The following ODF2 variants were observed in gnomAD, a reference collection of about 807,000 sequenced individuals.
ODF2 encodes the protein outer dense fiber protein 2.
In ODF2, 47 loss-of-function variants were observed where a neutral mutation model predicts 110.2. The observed-to-expected ratio is 0.43, with a 90% confidence interval of 0.34 to 0.54. The LOEUF is 0.54. ODF2 is among the 20% of genes least tolerant of loss of function. ODF2 has a pLI of 0.03. For missense variants in ODF2, 812 were observed against 1,054.5 expected, an observed-to-expected ratio of 0.77 and a Z score of 3.19; for synonymous variants, 352 against 397.7, an observed-to-expected ratio of 0.89 and a Z score of 1.37.
At chr9:128,475,444 CCTCACATACTAA>C (rs1211913748) in intron 8 of ODF2, among the ~76,000 whole-genome samples, 1 of 152,158 alleles carries the variant, frequency 6.6e-6, no homozygotes, top group Admixed American at 6.5e-5. Context: ...ATATGCATTG[CCTCACATACTAA>C]GATATTTGTG....
At chr9:128,478,721 C>T (rs1306168898) in intron 8 of ODF2, among the ~76,000 whole-genome samples, 2 of 152,118 alleles carry the variant, frequency 1.3e-5, no homozygotes, top group Non-Finnish European at 2.9e-5. Flanking sequence ...TTTGAATTCC[C>T]ACCCAAAAGT....
intron 10 of ODF2, among the ~76,000 whole-genome samples, chr9:128,483,361 C>T (rs893995703): frequency 6.6e-6 from 1 of 151,652 alleles, no homozygotes; most frequent in Admixed American, 6.6e-5. Context: ...CTCATTGAGG[C>T]CAGGAGTTTG....
intron 8 of ODF2, among the ~76,000 whole-genome samples, chr9:128,475,147 T>G (rs1238104587): frequency 6.6e-6 from 1 of 152,138 alleles, no homozygotes; most frequent in Admixed American, 6.6e-5. Flanking sequence ...ATAACAACTA[T>G]TTACATAGCA....
chr9:128,499,205 T>C, intron 20 of ODF2, 79 bp downstream of exon 20: 3 of 1,550,494 alleles, frequency 1.9e-6, no homozygotes, highest in Non-Finnish European at 1.8e-6. Context: ...CAAGGTGTTT[T>C]GTTGTTACTG....
chr9:128,498,578 C>G lies in ODF2; in HGVS notation c.2175+3C>G, dbSNP rs1213966895. On this transcript the variant is annotated splice_donor_region_variant and intron_variant, in intron 19 of 20. Transcript: ENST00000604420. Reference sequence around the variant, plus strand: ...CCATTGAAGATGCGAGGAGGCAGGTCAGTCCCGATTTCATGAATGACTAGC... The same window carrying G: ...CCATTGAAGATGCGAGGAGGCAGGTGAGTCCCGATTTCATGAATGACTAGC... The G allele has an allele frequency of 6.6e-7, 1 of 1,508,216 alleles. No individual in the cohort carries two copies. The highest frequency in any genetic ancestry group is 9.1e-7 in the Non-Finnish European group (1 of 1,098,280). The allele number at this position is 1,508,216 out of a possible 1,614,324, so 93.4% of individuals were successfully genotyped here. A position where few individuals can be genotyped will look rare whatever the true frequency, so the allele number is the denominator to read the frequency against.
rs933420114 is a variant in ODF2, at chr9:128,456,703, G to C, written c.-209+448G>C. On this transcript the variant is annotated intron_variant, in intron 1 of 20. Transcript: ENST00000604420. ...CATGGCAGTCACTTGTACGCCCTCC[G>C]TAGGCAGCGCTGTCCCCCGGGCACC... is the stretch of plus-strand genomic sequence containing the variant. 5 of 1,378,192 alleles carry C rather than the reference G, an allele frequency of 3.6e-6. No homozygotes were observed. In the South Asian group the frequency reaches 4.9e-5, roughly 13 times the overall value. 85.4% of individuals were successfully genotyped at this position (1,378,192 alleles called of 1,614,324 possible).
intron 8 of ODF2, among the ~76,000 whole-genome samples, chr9:128,474,737 G>A (rs182269995): frequency 2.0e-5 from 3 of 151,882 alleles, no homozygotes; most frequent in Non-Finnish European, 4.4e-5. Context: ...CGAGGCGGGC[G>A]GATCACCTGA....
chr9:128,499,754 C>G (rs1232983780), intron 20 of ODF2, among the ~76,000 whole-genome samples: 1 of 152,072 alleles, frequency 6.6e-6, no homozygotes, highest in Non-Finnish European at 1.5e-5. Flanking sequence ...GGACTACAGG[C>G]GCACACCATC....
At chr9:128,495,781 C>G (rs548137622) in intron 17 of ODF2, among the ~76,000 whole-genome samples, 14 of 152,276 alleles carry the variant, frequency 9.2e-5, no homozygotes, top group African/African-American at 3.4e-4. Context: ...CTCTGAGTGG[C>G]CTCCCCTGAT....
chr9:128,456,128 C>A (rs1834703396), upstream of ODF2: 3 of 1,547,440 alleles, frequency 1.9e-6, no homozygotes, highest in Non-Finnish European at 2.6e-6. Context: ...GAAAAGGAGG[C>A]GGAAGCGGGG....
intron 17 of ODF2, among the ~76,000 whole-genome samples, chr9:128,495,682 G>A (rs1280507774): frequency 6.6e-6 from 1 of 152,212 alleles, no homozygotes; most frequent in Non-Finnish European, 1.5e-5. Context: ...AACATAACAG[G>A]TAAAGCTCTG....
rs1369286409 is a variant in ODF2, at chr9:128,485,246, T to C, written c.1291-119T>C. ...TTCCAGCGCCCTCTAGAAAGGTGAA[T>C]TCCAGAATGAGGTTTAGGTTACCAG... On this transcript the variant is annotated intron_variant, in intron 12 of 20. Coordinates refer to ENST00000604420, the Ensembl canonical transcript of ODF2. This position sits in a 1 kb window ranked among gnomAD's most constrained non-coding sequence, Gnocchi z 5.0. 3.1e-6 allele frequency: 2 copies of C among 635,504 alleles called. No individual in the cohort carries two copies. Among genetic ancestry groups the C allele is most frequent in the Non-Finnish European group, 5.6e-6 (2 of 354,880 alleles). The allele number at this position is 635,504 out of a possible 1,614,324, so 39.4% of individuals were successfully genotyped here. A position where few individuals can be genotyped will look rare whatever the true frequency, so the allele number is the denominator to read the frequency against.
chr9:128,464,187 G>A (rs1369283648), intron 4 of ODF2, among the ~76,000 whole-genome samples: 3 of 133,054 alleles, frequency 2.3e-5, no homozygotes, highest in African/African-American at 8.8e-5. Flanking sequence ...ACGGAGTCTC[G>A]CTCTGTCATC....
chr9:128,471,867 G>A (rs1199008077), intron 6 of ODF2, among the ~76,000 whole-genome samples: 6 of 152,212 alleles, frequency 3.9e-5, no homozygotes, highest in Non-Finnish European at 5.9e-5. Flanking sequence ...AGGCAGGCCA[G>A]AGTGGGTGGG....
At chr9:128,457,836 T>C (rs902138003) in intron 2 of ODF2, among the ~76,000 whole-genome samples, 6 of 152,144 alleles carry the variant, frequency 3.9e-5, no homozygotes, top group Admixed American at 2.6e-4. Flanking sequence ...CCCAAAGCTA[T>C]TGGCTTTACG....
chr9:128,487,145 C>T (rs1843521802), intron 13 of ODF2, among the ~76,000 whole-genome samples: 3 of 152,084 alleles, frequency 2.0e-5, no homozygotes, highest in African/African-American at 7.2e-5. Flanking sequence ...GCAGTGGCAC[C>T]AGCATAGCTC....
intron 4 of ODF2, among the ~76,000 whole-genome samples, chr9:128,466,013 C>G (rs1333797429): frequency 1.3e-5 from 2 of 151,744 alleles, no homozygotes; most frequent in Non-Finnish European, 2.9e-5. Context: ...GGTGGTCGCG[C>G]CACCAATATC....
At chr9:128,498,208 A>T in intron 18 of ODF2, 1 of 607,942 alleles carries the variant, frequency 1.6e-6, no homozygotes, top group Non-Finnish European at 2.5e-6. Flanking sequence ...CCCACCCTTC[A>T]CTCTGTTCTC....
chr9:128,481,719 G>A lies in ODF2; in HGVS notation c.915+68G>A, dbSNP rs1195729840. On this transcript the variant is annotated intron_variant, in intron 9 of 20. Coordinates refer to ENST00000604420, the Ensembl canonical transcript of ODF2. ...CAAGAGCGTCGTTCCACTACAAAGT[G>A]TAGAGGTGCTTGGATCAAGGCAGGA... The A allele has an allele frequency of 1.5e-5, 19 of 1,291,262 alleles. No homozygotes were observed. In the East Asian group the frequency reaches 2.3e-4, roughly 16 times the overall value. 80.0% of individuals were successfully genotyped at this position (1,291,262 alleles called of 1,614,324 possible).
Sources: allele counts gnomAD v4.1 joint callset (sites outside exome capture counted in the v4.1 genomes callset), GRCh38; gene constraint gnomAD v4.1.1; non-coding constraint Gnocchi (gnomAD v3.1); transcripts MANE v1.5; gene names NCBI Gene and HGNC (gene_info 2026-07-23, HGNC 2026-07-21).